FHIT: variants seen among roughly 807,000 people sequenced by gnomAD.
FHIT encodes the protein fragile histidine triad diadenosine triphosphatase, also known as bis(5'-adenosyl)-triphosphatase.
A neutral mutation model predicts 17.9 loss-of-function variants in FHIT; 19 were observed. The ratio of observed to expected loss-of-function variants is 1.06; its 90% CI spans 0.74 to 1.56. The LOEUF (loss-of-function observed/expected upper bound fraction) is 1.56. Among genes scored for constraint, FHIT ranks in the 40% most tolerant of loss-of-function variants. The probability of loss-of-function intolerance (pLI) is 0.00; values close to 1 mark genes in which losing one functional copy is unlikely to be tolerated. For synonymous variants in FHIT, 81 were observed against 69.7 expected (o/e 1.16, Z -0.81); for missense variants, 248 against 189.2 (o/e 1.31, Z -1.82).
At chr3:61,005,385 T>G (rs147317125) in intron 3 of FHIT, among the ~76,000 whole-genome samples, 33 of 152,264 alleles carry the variant, frequency 2.2e-4, no homozygotes, top group Non-Finnish European at 2.9e-4. Context: ...TATATGATGA[T>G]GAGGAGGAGC....
chr3:60,866,895 T>C (rs1001573983), intron 3 of FHIT, among the ~76,000 whole-genome samples: 5 of 152,184 alleles, frequency 3.3e-5, no homozygotes, highest in Non-Finnish European at 7.4e-5. Context: ...CTGTGATTTT[T>C]CCTCTTTTCT....
chr3:59,990,728 G>T (rs2107471055), intron 7 of FHIT, among the ~76,000 whole-genome samples: 1 of 152,080 alleles, frequency 6.6e-6, no homozygotes, highest in South Asian at 2.1e-4. Context: ...ATAACCACTT[G>T]GGGAAAAACA....
chr3:59,868,825 T>A (rs1056463023), intron 8 of FHIT, among the ~76,000 whole-genome samples: 6 of 152,158 alleles, frequency 3.9e-5, no homozygotes, highest in African/African-American at 1.4e-4. Flanking sequence ...TGAGCCCACA[T>A]TGAAGAAGGA....
At chr3:61,072,542 A>G (rs527752047) in intron 2 of FHIT, among the ~76,000 whole-genome samples, 6 of 152,198 alleles carry the variant, frequency 3.9e-5, no homozygotes, top group Non-Finnish European at 8.8e-5. Context: ...TTCTGGATGC[A>G]CTATAGCCAA....
chr3:60,922,754 C>G (rs1395698248), intron 3 of FHIT, among the ~76,000 whole-genome samples: 1 of 152,150 alleles, frequency 6.6e-6, no homozygotes, highest in Non-Finnish European at 1.5e-5. Context: ...ATCTTACCTT[C>G]TTTAAAGAAA....
At chr3:59,847,459 T>C (rs1701763759) in intron 8 of FHIT, among the ~76,000 whole-genome samples, 1 of 152,190 alleles carries the variant, frequency 6.6e-6, no homozygotes, top group African/African-American at 2.4e-5. Flanking sequence ...TTATTGATGT[T>C]GCCCTTTTGA....
At chr3:60,043,810 C>T (rs988748393) in intron 5 of FHIT, among the ~76,000 whole-genome samples, 4 of 152,092 alleles carry the variant, frequency 2.6e-5, no homozygotes, top group African/African-American at 4.8e-5. Context: ...CAAAAAAGTC[C>T]GACCCAGCTG....
chr3:61,004,034 A>G (rs1464721636), intron 3 of FHIT, among the ~76,000 whole-genome samples: 6 of 152,304 alleles, frequency 3.9e-5, no homozygotes, highest in African/African-American at 9.6e-5. Flanking sequence ...CTGAGTGTCT[A>G]CTAAGCACAG....
At chr3:60,528,916 C>G (rs2035670685) in intron 5 of FHIT, among the ~76,000 whole-genome samples, 1 of 152,202 alleles carries the variant, frequency 6.6e-6, no homozygotes, top group Non-Finnish European at 1.5e-5. Context: ...GTCAGTACCA[C>G]CTGTCATACT....
chr3:59,921,628 T>A (rs1200109243), intron 8 of FHIT, among the ~76,000 whole-genome samples: 3 of 150,222 alleles, frequency 2.0e-5, no homozygotes, highest in African/African-American at 7.4e-5. Context: ...TTTCTCCTCT[T>A]TGGCTACAAT....
intron 3 of FHIT, among the ~76,000 whole-genome samples, chr3:61,028,392 C>T (rs75534398): frequency 0.023 from 3,445 of 152,230 alleles, 138 homozygotes; most frequent in African/African-American, 0.078. Flanking sequence ...ATACAACGTG[C>T]TATGGGATGA....
At chr3:59,778,560 C>G (rs150289582) in intron 8 of FHIT, among the ~76,000 whole-genome samples, 261 of 152,304 alleles carry the variant, frequency 1.7e-3, no homozygotes, top group African/African-American at 6.0e-3. Flanking sequence ...CACAAATACT[C>G]TGCCACTGTA....
chr3:60,827,029 A>G (rs781865897), intron 3 of FHIT, among the ~76,000 whole-genome samples: 1 of 152,142 alleles, frequency 6.6e-6, no homozygotes, highest in African/African-American at 2.4e-5. Flanking sequence ...TTAAAAAAAA[A>G]AGAGTTTGCT....
intron 8 of FHIT, among the ~76,000 whole-genome samples, chr3:59,765,496 A>G (rs970970758): frequency 3.9e-5 from 6 of 152,188 alleles, no homozygotes; most frequent in African/African-American, 1.4e-4. Context: ...CAATGTTTGA[A>G]AGTGATATTT....
At chr3:61,126,251 G>GT (rs2036603487) in intron 2 of FHIT, among the ~76,000 whole-genome samples, 2 of 140,882 alleles carry the variant, frequency 1.4e-5, no homozygotes, top group African/African-American at 2.8e-5. Flanking sequence ...GAAAACAAAA[G>GT]TAAAAAAAAA....
At chr3:60,415,816 C>T (rs192880871) in intron 5 of FHIT, among the ~76,000 whole-genome samples, 1 of 149,276 alleles carries the variant, frequency 6.7e-6, no homozygotes, top group Non-Finnish European at 1.5e-5. Context: ...TCACTTTCCT[C>T]ATCTATAAAA....
At chr3:60,276,586 T>C (rs562833555) in intron 5 of FHIT, among the ~76,000 whole-genome samples, 1 of 152,312 alleles carries the variant, frequency 6.6e-6, no homozygotes, top group African/African-American at 2.4e-5. Flanking sequence ...TAAACTTCTG[T>C]TTCAAAGGTG....
At chr3:60,646,720 G>A (rs77267581) in intron 4 of FHIT, among the ~76,000 whole-genome samples, 2,771 of 152,248 alleles carry the variant, frequency 0.018, 93 homozygotes, top group African/African-American at 0.062. Flanking sequence ...AGAGAGCAGA[G>A]TTGACATGGC....
chr3:60,615,066 G>A (rs1235882945), intron 4 of FHIT, among the ~76,000 whole-genome samples: 1 of 151,888 alleles, frequency 6.6e-6, no homozygotes, highest in African/African-American at 2.4e-5. Flanking sequence ...TTGACCTCGT[G>A]ATCTGCCTGC....
Sources: allele counts gnomAD v4.1 joint callset (sites outside exome capture counted in the v4.1 genomes callset), GRCh38; gene constraint gnomAD v4.1.1; transcripts MANE v1.5; gene names NCBI Gene and HGNC (gene_info 2026-07-23, HGNC 2026-07-21).